The following AKAP9 variants were observed in gnomAD, a reference collection of about 807,000 sequenced individuals.
The protein encoded by AKAP9 is A-kinase anchor protein 9.
Under a neutral mutation model 488.5 loss-of-function variants are expected in AKAP9, and 311 were observed. The observed-to-expected ratio is 0.64, with a 90% CI of 0.58 to 0.70. The LOEUF (loss-of-function observed/expected upper bound fraction) is 0.70. Ranked by LOEUF, AKAP9 falls within the 30% of genes least tolerant of loss-of-function variation. The probability of loss-of-function intolerance (pLI) is 0.00; values close to 1 mark genes in which losing one functional copy is unlikely to be tolerated. For synonymous variants in AKAP9, 1,462 were observed against 1,483.5 expected (o/e 0.99, Z 0.33); for missense variants, 4,215 against 4,374.5 (o/e 0.96, Z 1.03).
chr7:92,063,120 T>C (rs1810175502), intron 24 of AKAP9, among the ~76,000 whole-genome samples: 1 of 152,232 alleles, frequency 6.6e-6, no homozygotes, highest in Non-Finnish European at 1.5e-5. Flanking sequence ...ACTTTTATAT[T>C]ACACGTGCAG....
chr7:91,993,856 TG>T (rs1469171014), intron 5 of AKAP9, among the ~76,000 whole-genome samples: 2 of 152,210 alleles, frequency 1.3e-5, no homozygotes, highest in African/African-American at 4.8e-5. Context: ...AAGTTGGGCA[TG>T]GTGGCTTATG....
intron 14 of AKAP9, among the ~76,000 whole-genome samples, chr7:92,028,160 G>A (rs1438730883): frequency 6.6e-6 from 1 of 151,778 alleles, no homozygotes; most frequent in African/African-American, 2.4e-5. Context: ...ACTGCGGAAG[G>A]CCGCAGGGTC....
At chr7:92,056,362 G>C (rs1375979359) in intron 22 of AKAP9, among the ~76,000 whole-genome samples, 1 of 151,264 alleles carries the variant, frequency 6.6e-6, no homozygotes, top group Non-Finnish European at 1.5e-5. Flanking sequence ...AGAGGTATTT[G>C]ATAGGCTAAG....
At position 92,082,603 on chromosome 7, in the gene AKAP9, A is replaced by G. The variant is rs1471648697; in HGVS notation, c.8101A>G (p.Thr2701Ala). 3.1e-6 allele frequency: 5 copies of G among 1,614,054 alleles called. No individual in the cohort carries two copies. The highest frequency in any genetic ancestry group is 1.1e-5 in the South Asian group (1 of 91,088). The part of the protein sequence containing the change: ...LEALRAESVA[T>A]KAELASYKEK... ...GGCTCTTAGAGCTGAATCAGTGGCT[A>G]CCAAAGCAGAACTTGCCAGTTATAA... The change falls in exon 32 of 50, where the codon ACC becomes GCC. Residue 2701 changes from threonine (T) to alanine (A), a missense_variant. Physicochemically the swap from Thr to Ala is moderately conservative, Grantham distance 58. This residue lies in a region of AKAP9 where 1,476 missense variants were observed against 1,477.4 expected (regional missense o/e 1.00). Coordinates refer to ENST00000356239, the MANE Select transcript of AKAP9 (RefSeq NM_005751.5).
chr7:92,026,659 C>T (rs537045376), intron 14 of AKAP9, among the ~76,000 whole-genome samples: 6 of 152,288 alleles, frequency 3.9e-5, no homozygotes, highest in South Asian at 2.1e-4. Flanking sequence ...GGCTGGAGTG[C>T]GTGGCGTGAT....
At chr7:92,030,586 G>A (rs182370625) in intron 15 of AKAP9, among the ~76,000 whole-genome samples, 1 of 147,944 alleles carries the variant, frequency 6.8e-6, no homozygotes, top group East Asian at 2.0e-4. Flanking sequence ...AGGTTGCAGT[G>A]AGCTGCGATT....
intron 22 of AKAP9, among the ~76,000 whole-genome samples, chr7:92,054,821 A>G (rs1427268012): frequency 6.6e-6 from 1 of 152,036 alleles, no homozygotes; most frequent in Non-Finnish European, 1.5e-5. Context: ...TGGTTGGGGT[A>G]GCTTTCATGA....
intron 1 of AKAP9, among the ~76,000 whole-genome samples, chr7:91,966,339 T>G (rs1362896747): frequency 6.6e-6 from 1 of 152,240 alleles, no homozygotes; most frequent in Non-Finnish European, 1.5e-5. Flanking sequence ...CTTAGATTTT[T>G]AAATCCATTT....
intron 8 of AKAP9, among the ~76,000 whole-genome samples, chr7:92,010,663 T>A (rs1025700637): frequency 2.6e-5 from 4 of 152,146 alleles, no homozygotes; most frequent in Non-Finnish European, 5.9e-5. Flanking sequence ...CTGGCCTTAT[T>A]TTATTTTTTT....
At chr7:92,098,825 A>G (rs771226837) in intron 43 of AKAP9, among the ~76,000 whole-genome samples, 3 of 152,214 alleles carry the variant, frequency 2.0e-5, no homozygotes, top group Non-Finnish European at 4.4e-5. Flanking sequence ...ATTCTGTGCC[A>G]GATAGGTTCT....
intron 9 of AKAP9, 72 bp from the exon 10 acceptor site, chr7:92,014,177 A>G (rs1801177251): frequency 9.3e-7 from 1 of 1,070,688 alleles, no homozygotes; most frequent in Non-Finnish European, 1.4e-6. Context: ...TCCAGTTGAA[A>G]CATAAGTTAA....
chr7:92,054,149 G>A (rs528013488), intron 22 of AKAP9, among the ~76,000 whole-genome samples: 1 of 152,152 alleles, frequency 6.6e-6, no homozygotes, highest in East Asian at 1.9e-4. Context: ...ATCTTCCATG[G>A]ATAGATGTTT....
chr7:91,991,735 T>C (rs1464510923), intron 3 of AKAP9, among the ~76,000 whole-genome samples: 1 of 152,112 alleles, frequency 6.6e-6, no homozygotes, highest in African/African-American at 2.4e-5. Flanking sequence ...CCTCCCAAAG[T>C]GCTGGGATTA....
intron 1 of AKAP9, among the ~76,000 whole-genome samples, chr7:91,971,528 T>G (rs1197719517): frequency 6.6e-6 from 1 of 151,382 alleles, no homozygotes; most frequent in East Asian, 1.9e-4. Context: ...GTTTCCCATT[T>G]GCTGTTGTTT....
chr7:92,022,160 C>A, intron 12 of AKAP9, 78 bp from the exon 13 acceptor site: 2 of 1,118,634 alleles, frequency 1.8e-6, no homozygotes, highest in Non-Finnish European at 2.7e-6. Flanking sequence ...ATCTTAAATG[C>A]AGAGTTGCTT....
chr7:92,048,713 C>T (rs1807419599), intron 21 of AKAP9, among the ~76,000 whole-genome samples: 1 of 152,182 alleles, frequency 6.6e-6, no homozygotes, highest in Non-Finnish European at 1.5e-5. Context: ...TCAAGACCAG[C>T]CTGGCCAACA....
chr7:92,011,694 G>C (rs1800765036), intron 8 of AKAP9, among the ~76,000 whole-genome samples: 1 of 152,194 alleles, frequency 6.6e-6, no homozygotes, highest in Non-Finnish European at 1.5e-5. Context: ...AACACATTGA[G>C]ATCCTTGTGA....
rs372493917 is a variant in AKAP9 at position 92,097,264 on chromosome 7, A to G, written c.10305A>G (p.Arg3435=). 1 of 1,614,002 alleles carries G rather than the reference A, an allele frequency of 6.2e-7. No individual in the cohort carries two copies. The highest frequency in any genetic ancestry group is 1.6e-4 in the Middle Eastern group (1 of 6,062). ...ATAAGTTAGACCTTGAAGGACAGCGACTACAAGGAATCATGCAGGAATTCC... is the reference window on the plus strand; with the variant it reads ...ATAAGTTAGACCTTGAAGGACAGCGGCTACAAGGAATCATGCAGGAATTCC... The part of the protein sequence containing the change: ...QVYKLDLEGQ[R]LQGIMQEFQK... The change falls in exon 41 of 50, where the codon CGA becomes CGG. Residue 3435 remains arginine, a synonymous_variant. Transcript: ENST00000356239.
intron 8 of AKAP9, among the ~76,000 whole-genome samples, chr7:92,008,654 C>T (rs1356195935): frequency 6.6e-6 from 1 of 151,282 alleles, no homozygotes; most frequent in Admixed American, 6.6e-5. Flanking sequence ...CATCACTGCA[C>T]TCCAGCCTGG....
Sources: gnomAD v4.1 joint callset for allele counts (sites outside exome capture counted in the v4.1 genomes callset) on GRCh38, gnomAD v4.1.1 for gene constraint, gnomAD v4.1.1 regional missense constraint, MANE v1.5 for transcripts, NCBI Gene and HGNC (gene_info 2026-07-23, HGNC 2026-07-21) for gene names.